The following MCTP2 variants were observed in gnomAD, a reference collection of about 807,000 sequenced individuals.
MCTP2 encodes multiple C2 and transmembrane domain containing 2.
In MCTP2, 132 loss-of-function variants were observed where a neutral mutation model predicts 111.6. The observed-to-expected ratio is 1.18, with a 90% CI of 1.03 to 1.37. MCTP2 has a LOEUF of 1.37. MCTP2 is among the 40% of genes most tolerant of loss of function. The pLI, the probability that MCTP2 is intolerant of heterozygous loss-of-function variation, is 0.00. For synonymous variants in MCTP2, 395 were observed against 387.7 expected, an observed-to-expected ratio of 1.02 and a Z score of -0.22; for missense variants, 1,183 against 1,067.9, an observed-to-expected ratio of 1.11 and a Z score of -1.50.
intron 11 of MCTP2, among the ~76,000 whole-genome samples, chr15:94,369,455 A>G (rs966395983): frequency 3.3e-5 from 5 of 152,192 alleles, no homozygotes; most frequent in Non-Finnish European, 2.9e-5. Flanking sequence ...TAAACACCCA[A>G]ATATTGCTAT....
chr15:94,402,519 T>A (rs767610129), intron 17 of MCTP2: 52 of 1,551,870 alleles, frequency 3.4e-5, no homozygotes, highest in Middle Eastern at 1.7e-4. Flanking sequence ...GTCTATGAAA[T>A]GTACCCTTTT....
rs1406823696 is a variant in MCTP2, at chr15:94,394,162, A to AGACC, written c.1789-4798_1789-4795dup. The stretch of plus-strand genomic sequence containing the variant: ...GGTCGAGAATGTAAATGCTATAGCC[A>AGACC]GACCACCTAGGTTGACACCCTGACT... On this transcript the variant is annotated intron_variant, in intron 14 of 22. Coordinates refer to ENST00000357742, the MANE Select transcript of MCTP2 (RefSeq NM_001385001.1). Among the ~76,000 whole-genome samples the AGACC allele has an allele frequency of 2.0e-5, 3 of 151,948 alleles. No individual in the cohort carries two copies. The East Asian group carries it at 5.8e-4, about 29-fold the overall frequency.
intron 21 of MCTP2, among the ~76,000 whole-genome samples, chr15:94,474,249 T>C (rs529504004): frequency 1.3e-5 from 2 of 152,324 alleles, no homozygotes; most frequent in East Asian, 3.9e-4. Context: ...TTGGCTTTAA[T>C]AGTATTAAAG....
At chr15:94,315,473 A>AT in intron 3 of MCTP2, 56 bp from the exon 4 acceptor site, 1 of 1,299,666 alleles carries the variant, frequency 7.7e-7, no homozygotes, top group Non-Finnish European at 1.1e-6. Context: ...TATTTCTGAA[A>AT]TTCTCTTGCT....
chr15:94,477,871 T>C (rs898363518), intron 22 of MCTP2, among the ~76,000 whole-genome samples: 7 of 152,158 alleles, frequency 4.6e-5, no homozygotes, highest in Admixed American at 6.5e-5. Context: ...AATTAAAAAA[T>C]AATAACCCGG....
chr15:94,278,162 A>T (rs980486991), intron 1 of MCTP2: 2 of 152,206 alleles, frequency 1.3e-5, no homozygotes, highest in East Asian at 1.9e-4. Flanking sequence ...AGATACCCAG[A>T]CAAATGGATT....
intron 1 of MCTP2, among the ~76,000 whole-genome samples, chr15:94,271,210 C>T (rs1200772963): frequency 6.6e-6 from 1 of 152,278 alleles, no homozygotes; most frequent in Non-Finnish European, 1.5e-5. Context: ...TAATAATTTA[C>T]AGGAAACTCC....
chr15:94,360,893 A>G (rs1188827615), intron 10 of MCTP2, among the ~76,000 whole-genome samples: 1 of 149,512 alleles, frequency 6.7e-6, no homozygotes, highest in African/African-American at 2.5e-5. Flanking sequence ...CCTCTCCTGT[A>G]GTACAAAAGA....
intron 17 of MCTP2, among the ~76,000 whole-genome samples, chr15:94,403,806 G>C (rs7163170): frequency 0.015 from 2,329 of 152,268 alleles, 60 homozygotes; most frequent in African/African-American, 0.053. Flanking sequence ...TGTACTCTCA[G>C]ATCTCTGAGG....
intron 9 of MCTP2, among the ~76,000 whole-genome samples, chr15:94,357,208 T>C (rs1162337045): frequency 1.3e-5 from 2 of 152,214 alleles, no homozygotes. Context: ...TTACATGTCA[T>C]CTACTCTAGC....
Position 94,298,327 on chromosome 15 carries a change from T to C in MCTP2, c.62T>C (p.Ile21Thr). 1.2e-6 allele frequency: 2 copies of C among 1,614,098 alleles called. No homozygotes were observed. The highest frequency in any genetic ancestry group is 1.7e-6 in the Non-Finnish European group (2 of 1,180,006). The change falls in exon 2 of 23, where the codon ATC (isoleucine) becomes ACC (threonine). Residue 21 changes from isoleucine to threonine, a missense_variant. Coordinates refer to ENST00000357742, the MANE Select transcript of MCTP2 (RefSeq NM_001385001.1). ...AAACAGCGGACCAGGCCATTGTTGA[T>C]CAACTTGAGCAAGAAGAAGGTGAAA... ...SLKQRTRPLL[I>T]NLSKKKVKKN...
At chr15:94,468,442 T>G (rs1401110922) in intron 20 of MCTP2, among the ~76,000 whole-genome samples, 1 of 150,680 alleles carries the variant, frequency 6.6e-6, no homozygotes, top group African/African-American at 2.4e-5. Context: ...CTTAAATAAA[T>G]CAATTTTCTT....
intron 1 of MCTP2, among the ~76,000 whole-genome samples, chr15:94,245,468 A>G (rs530158351): frequency 2.1e-5 from 3 of 140,212 alleles, no homozygotes; most frequent in Admixed American, 7.4e-5. Flanking sequence ...ATTTATATAC[A>G]TATATGTATA....
At chr15:94,455,167 A>G (rs2084739311) in intron 19 of MCTP2, among the ~76,000 whole-genome samples, 1 of 152,200 alleles carries the variant, frequency 6.6e-6, no homozygotes, top group African/African-American at 2.4e-5. Flanking sequence ...TTTTTAATAC[A>G]ATAAATATAC....
At chr15:94,350,927 G>C (rs1371327451) in intron 8 of MCTP2, among the ~76,000 whole-genome samples, 2 of 151,750 alleles carry the variant, frequency 1.3e-5, no homozygotes, top group African/African-American at 4.8e-5. Flanking sequence ...GCATTTCGCT[G>C]GTCCTAAAAT....
At chr15:94,404,114 C>T (rs537439388) in intron 17 of MCTP2, among the ~76,000 whole-genome samples, 62 of 152,166 alleles carry the variant, frequency 4.1e-4, no homozygotes, top group Admixed American at 2.9e-3. Flanking sequence ...TCAGAAATAC[C>T]GCAGCCATAA....
At chr15:94,375,783 TA>T (rs1197910864) in intron 12 of MCTP2, among the ~76,000 whole-genome samples, 1 of 152,180 alleles carries the variant, frequency 6.6e-6, no homozygotes, top group East Asian at 1.9e-4. Flanking sequence ...TAGGTTATTA[TA>T]AAGTATCCTT....
chr15:94,283,373 A>G (rs2074591868), intron 1 of MCTP2, among the ~76,000 whole-genome samples: 1 of 150,508 alleles, frequency 6.6e-6, no homozygotes, highest in South Asian at 2.1e-4. Context: ...GTGGGCTTTC[A>G]TGGCCATGCT....
At chr15:94,409,635 G>A (rs1030125272) in intron 17 of MCTP2, among the ~76,000 whole-genome samples, 10 of 151,940 alleles carry the variant, frequency 6.6e-5, no homozygotes, top group Non-Finnish European at 1.2e-4. Flanking sequence ...TCCAGAGGTC[G>A]TGTAGCAACT....
Sources: allele counts gnomAD v4.1 joint callset (sites outside exome capture counted in the v4.1 genomes callset), GRCh38; gene constraint gnomAD v4.1.1; transcripts MANE v1.5; gene names NCBI Gene and HGNC (gene_info 2026-07-23, HGNC 2026-07-21).